SRPK1: variants seen among roughly 807,000 people sequenced by gnomAD.
SRPK1 encodes SRSF protein kinase 1.
Under a neutral mutation model 89.5 loss-of-function variants are expected in SRPK1, and 52 were observed. That is an observed-to-expected ratio of 0.58 (90% CI 0.46 to 0.73). The LOEUF is 0.73. SRPK1 is among the 30% of genes least tolerant of loss of function. The pLI, the probability that SRPK1 is intolerant of heterozygous loss-of-function variation, is 0.00. For missense variants in SRPK1, 603 were observed against 780.6 expected, an observed-to-expected ratio of 0.77 and a Z score of 2.71; for synonymous variants, 255 against 270.2, an observed-to-expected ratio of 0.94 and a Z score of 0.55.
chr6:35,880,742 A>AAAAAAAAAAGAAAGAAAG lies in SRPK1; in HGVS notation c.478+5981_478+5982insCTTTCTTTCTTTTTTTTT. 5.7e-4 allele frequency among the ~76,000 whole-genome samples: 16 copies of AAAAAAAAAAGAAAGAAAG among 28,180 alleles called. 2 individuals carry two copies. Among genetic ancestry groups the AAAAAAAAAAGAAAGAAAG allele is most frequent in the Middle Eastern group, 0.038 (1 of 26 alleles). The allele number at this position is 28,180 out of a possible 152,430, so 18.5% of individuals were successfully genotyped here. ...CTCAAAAAAAAAAAAAAAGAAAAAA[A>AAAAAAAAAAGAAAGAAAG]AAAAAAAAGAAAAGAAAAGAAGAAG... On this transcript the variant is annotated intron_variant, in intron 6 of 15. Coordinates refer to ENST00000373825, the MANE Select transcript of SRPK1 (RefSeq NM_003137.5).
At chr6:35,886,052 CTCTCTTTT>C (rs1168381455) in intron 6 of SRPK1, among the ~76,000 whole-genome samples, 7 of 150,252 alleles carry the variant, frequency 4.7e-5, no homozygotes, top group South Asian at 2.1e-4. Context: ...CTTTTTCTTT[CTCTCTTTT>C]TCTCTTTCTT....
intron 6 of SRPK1, among the ~76,000 whole-genome samples, chr6:35,876,571 G>C (rs906553746): frequency 3.9e-5 from 6 of 152,144 alleles, no homozygotes; most frequent in Non-Finnish European, 8.8e-5. Flanking sequence ...GAGCCCAGGA[G>C]GTCAAGGCTG....
intron 2 of SRPK1, among the ~76,000 whole-genome samples, chr6:35,891,890 C>G (rs1289213591): frequency 6.6e-6 from 1 of 151,816 alleles, no homozygotes; most frequent in Non-Finnish European, 1.5e-5. Flanking sequence ...GAATTATTTC[C>G]CTAAAATTAA....
At chr6:35,880,742 A>AAAAAAAAAAGAAAG in intron 6 of SRPK1, among the ~76,000 whole-genome samples, 2 of 28,192 alleles carry the variant, frequency 7.1e-5, no homozygotes, top group East Asian at 1.0e-3. Flanking sequence ...AAAGAAAAAA[A>AAAAAAAAAAGAAAG]AAAAAAAAGA....
rs1315271725 is a variant in SRPK1, at chr6:35,880,744, A to AG, written c.478+5979_478+5980insC. 4.8e-4 allele frequency among the ~76,000 whole-genome samples: 56 copies of AG among 116,270 alleles called. 4 individuals are homozygous for AG. The highest frequency in any genetic ancestry group is 1.0e-3 in the South Asian group (3 of 3,012). The allele number at this position is 116,270 out of a possible 152,430, so 76.3% of individuals were successfully genotyped here. ...CAAAAAAAAAAAAAAAGAAAAAAAA[A>AG]AAAAAAGAAAAGAAAAGAAGAAGAA... On this transcript the variant is annotated intron_variant, in intron 6 of 15. Transcript: ENST00000373825.
At chr6:35,866,722 T>C (rs560409865) in intron 12 of SRPK1, among the ~76,000 whole-genome samples, 7 of 152,316 alleles carry the variant, frequency 4.6e-5, no homozygotes, top group African/African-American at 1.7e-4. Flanking sequence ...AATATACCTA[T>C]ACTTGTATGT....
At position 35,872,678 on chromosome 6, in the gene SRPK1, A is replaced by G; in HGVS notation, c.636T>C (p.Thr212=). 5 of 1,611,506 alleles carry G rather than the reference A, an allele frequency of 3.1e-6. No homozygotes were observed. The highest frequency in any genetic ancestry group is 3.3e-4 in the Middle Eastern group (2 of 6,058). The part of the protein sequence containing the change: ...YLHTKCRIIH[T]DIKPENILLS... ...ATAAGATGTTCTCTGGTTTAATGTC[A>G]GTGTGGATGATACGGCACTTGGTAT... Residue 212 remains threonine (T), a synonymous_variant, in exon 8 of 16, where the codon ACT becomes ACC. Coordinates refer to ENST00000373825, the MANE Select transcript of SRPK1 (RefSeq NM_003137.5).
At chr6:35,869,191 G>A (rs1421598771) in intron 11 of SRPK1, 81 bp from the exon 12 acceptor site, 1 of 1,193,930 alleles carries the variant, frequency 8.4e-7, no homozygotes, top group South Asian at 1.4e-5. Context: ...TCCAAGGTAA[G>A]AGTAATACAG....
At chr6:35,902,943 A>G (rs1277636365) in intron 2 of SRPK1, among the ~76,000 whole-genome samples, 1 of 152,178 alleles carries the variant, frequency 6.6e-6, no homozygotes, top group African/African-American at 2.4e-5. Flanking sequence ...AAGTGGAGGC[A>G]CATCAAAAAA....
chr6:35,919,298 T>C lies in SRPK1; in HGVS notation c.74+1170A>G, dbSNP rs77475472. ...GAGGTGAGGTCACCTACCACTTTAG[T>C]TCTATTGAAAGAGAGAAGTCATTAT... On this transcript the variant is annotated intron_variant, in intron 2 of 15. Transcript: ENST00000373825. Among the ~76,000 whole-genome samples, 245 of 152,234 alleles carry C rather than the reference T, an allele frequency of 1.6e-3. 6 individuals carry two copies. In the East Asian group the frequency reaches 0.044, roughly 28 times the overall value.
intron 12 of SRPK1, among the ~76,000 whole-genome samples, chr6:35,864,884 A>G (rs948025285): frequency 2.6e-5 from 4 of 152,342 alleles, no homozygotes; most frequent in African/African-American, 9.6e-5. Context: ...TGTCATTTAC[A>G]ACATGGATGG....
chr6:35,863,777 C>G, intron 12 of SRPK1, among the ~76,000 whole-genome samples: 1 of 152,070 alleles, frequency 6.6e-6, no homozygotes, highest in East Asian at 1.9e-4. Context: ...GAAAGAAAAA[C>G]TCATTAATGA....
intron 2 of SRPK1, among the ~76,000 whole-genome samples, chr6:35,915,997 T>TATAC (rs1284737691): frequency 0.016 from 1,439 of 90,010 alleles, 41 homozygotes; most frequent in Non-Finnish European, 0.022. Context: ...AAAAAATATA[T>TATAC]ACACACACAC....
intron 6 of SRPK1, among the ~76,000 whole-genome samples, chr6:35,885,766 A>G (rs1423799863): frequency 2.0e-5 from 3 of 152,250 alleles, no homozygotes; most frequent in Admixed American, 2.0e-4. Context: ...ATTGACCTTT[A>G]TAAGCACAGC....
intron 6 of SRPK1, among the ~76,000 whole-genome samples, chr6:35,879,841 G>A (rs1460062696): frequency 6.6e-6 from 1 of 152,078 alleles, no homozygotes; most frequent in African/African-American, 2.4e-5. Context: ...AGAAGCCAAG[G>A]CAGGAGGACT....
At chr6:35,866,188 T>C (rs1232147212) in intron 12 of SRPK1, among the ~76,000 whole-genome samples, 1 of 152,008 alleles carries the variant, frequency 6.6e-6, no homozygotes, top group Admixed American at 6.6e-5. Flanking sequence ...AGAGTGGCTA[T>C]TACTAAAAAT....
At chr6:35,901,772 T>C (rs995781764) in intron 2 of SRPK1, among the ~76,000 whole-genome samples, 2 of 152,044 alleles carry the variant, frequency 1.3e-5, no homozygotes, top group Non-Finnish European at 2.9e-5. Flanking sequence ...ACCTTTTCCA[T>C]ATATATTTTT....
chr6:35,880,746 A>AGAAAGAAAGAAAAG (rs765099755), intron 6 of SRPK1, among the ~76,000 whole-genome samples: 1 of 89,204 alleles, frequency 1.1e-5, no homozygotes, highest in Non-Finnish European at 2.2e-5. Flanking sequence ...AAAAAAAAAA[A>AGAAAGAAAGAAAAG]AAAAGAAAAG....
chr6:35,869,148 G>T, intron 11 of SRPK1, 38 bp from the exon 12 acceptor site: 1 of 1,520,792 alleles, frequency 6.6e-7, no homozygotes. Flanking sequence ...ACTGTTCAAT[G>T]AACAGAGAAA....
Sources: allele counts gnomAD v4.1 joint callset (sites outside exome capture counted in the v4.1 genomes callset), GRCh38; gene constraint gnomAD v4.1.1; transcripts MANE v1.5; gene names NCBI Gene and HGNC (gene_info 2026-07-23, HGNC 2026-07-21).